The following SYTL5 variants were observed in gnomAD, a reference collection of about 807,000 sequenced individuals.
SYTL5 encodes the protein synaptotagmin-like protein 5.
SYTL5 carries 34 observed loss-of-function variants against 55.9 expected under a neutral mutation model. The observed-to-expected ratio is 0.61, with a 90% CI of 0.46 to 0.81. The LOEUF is 0.81. Among genes scored for constraint, SYTL5 ranks in the 30% least tolerant of loss-of-function variants. SYTL5 has a pLI of 0.00. For missense variants in SYTL5, 637 were observed against 546.7 expected (o/e 1.17, Z -1.65); for synonymous variants, 221 against 188.7 (o/e 1.17, Z -1.40).
At chrX:38,001,816 A>G (rs1172245252), upstream of SYTL5, among the ~76,000 whole-genome samples, 4 of 111,634 alleles carry the variant, frequency 3.6e-5, no homozygotes, top group African/African-American at 1.3e-4. Context: ...TATACCGAGC[A>G]GTGGGATTGT....
At chrX:37,958,554 G>A in the SYTL5 span, among the ~76,000 whole-genome samples, 2 of 111,355 alleles carry the variant, frequency 1.8e-5, no homozygotes, top group Non-Finnish European at 3.8e-5. Context: ...GGACACCATC[G>A]AACCATAGCA....
intron 9 of SYTL5, 39 bp from the exon 10 acceptor site, chrX:38,102,303 A>G: frequency 1.0e-6 from 1 of 974,936 alleles, no homozygotes; most frequent in Non-Finnish European, 1.5e-6. Context: ...CTAGAAAAAC[A>G]AATCAACCAA....
intron 5 of SYTL5, among the ~76,000 whole-genome samples, chrX:38,074,242 A>G (rs1461579975): frequency 8.9e-6 from 1 of 111,949 alleles, no homozygotes. Context: ...TGGGAGGTAC[A>G]TAAGGGAGCA....
At chrX:38,067,541 C>A (rs1041335464) in intron 3 of SYTL5, among the ~76,000 whole-genome samples, 1 of 111,774 alleles carries the variant, frequency 8.9e-6, no homozygotes, top group African/African-American at 3.2e-5. Context: ...CACCAGAGAG[C>A]AAATATTTTA....
intron 1 of SYTL5, among the ~76,000 whole-genome samples, chrX:38,010,755 G>T (rs1934150670): frequency 9.0e-6 from 1 of 111,596 alleles, no homozygotes; most frequent in Non-Finnish European, 1.9e-5. Flanking sequence ...TAGGATTATT[G>T]CCCAAAGTGT....
At chrX:37,905,039 G>T in the SYTL5 span, among the ~76,000 whole-genome samples, 217 of 111,108 alleles carry the variant, frequency 2.0e-3, 1 homozygote, top group African/African-American at 6.9e-3. Context: ...TCATGAGTCA[G>T]AATTCCCATG....
the SYTL5 span, among the ~76,000 whole-genome samples, chrX:38,000,936 C>T: frequency 5.4e-5 from 6 of 111,755 alleles, no homozygotes; most frequent in African/African-American, 2.0e-4. Context: ...CCTGTCGGTG[C>T]GCTCTGCCAG....
At chrX:37,990,878 T>A in the SYTL5 span, 1 of 1,207,918 alleles carries the variant, frequency 8.3e-7, no homozygotes, top group African/African-American at 1.8e-5. Flanking sequence ...CGTCTACAAA[T>A]AACAACCAGA....
chrX:37,890,160 G>T, the SYTL5 span, among the ~76,000 whole-genome samples: 1 of 109,951 alleles, frequency 9.1e-6, no homozygotes, highest in East Asian at 2.9e-4. Flanking sequence ...AATTTTATTG[G>T]GGGTCTGAAG....
chrX:38,021,485 A>G (rs1934550484), intron 1 of SYTL5, among the ~76,000 whole-genome samples: 1 of 112,449 alleles, frequency 8.9e-6, no homozygotes, highest in Non-Finnish European at 1.9e-5. Flanking sequence ...AAAACGAGAT[A>G]TCCCACAGAG....
At chrX:37,960,899 C>T in the SYTL5 span, among the ~76,000 whole-genome samples, 2 of 108,805 alleles carry the variant, frequency 1.8e-5, no homozygotes, top group African/African-American at 3.3e-5. Context: ...GGGTTCACGC[C>T]ATTCTCCTGC....
the SYTL5 span, among the ~76,000 whole-genome samples, chrX:37,929,322 G>A: frequency 9.0e-6 from 1 of 111,431 alleles, no homozygotes; most frequent in African/African-American, 3.3e-5. Flanking sequence ...AGGATGGCAT[G>A]CTGAGTGGCT....
the SYTL5 span, among the ~76,000 whole-genome samples, chrX:37,904,028 G>T: frequency 9.0e-6 from 1 of 111,133 alleles, no homozygotes; most frequent in Non-Finnish European, 1.9e-5. Flanking sequence ...ATAAACCTAG[G>T]ACCTAACACA....
At chrX:38,067,534 C>A (rs1187292109) in intron 3 of SYTL5, among the ~76,000 whole-genome samples, 1 of 111,631 alleles carries the variant, frequency 9.0e-6, no homozygotes, top group Admixed American at 9.6e-5. Flanking sequence ...AATAAAACAC[C>A]AGAGAGCAAA....
At chrX:38,121,952 G>C in intron 14 of SYTL5, 128 bp from the exon 15 acceptor site, 1 of 638,302 alleles carries the variant, frequency 1.6e-6, no homozygotes, top group Non-Finnish European at 2.2e-6. Flanking sequence ...TAATGTAAAG[G>C]CCCAAATTAG....
intron 1 of SYTL5, among the ~76,000 whole-genome samples, chrX:38,008,987 G>A (rs1934085866): frequency 9.0e-6 from 1 of 111,699 alleles, no homozygotes; most frequent in Admixed American, 9.5e-5. Flanking sequence ...AGTGTGATAA[G>A]GGCTATAAGG....
In SYTL5 at chrX:38,076,583, T is replaced by G. The variant is rs768524325; in HGVS notation, c.571T>G (p.Phe191Val). ...TAATTTCAGATTTCTTCTTAGCAAG[T>G]TCAGATCGGCAACCAGAGGAGAAAT... ...PKRKGFLLSKFRSATRGEIIT... is the reference protein window; with the variant it reads ...PKRKGFLLSKVRSATRGEIIT... Residue 191 changes from phenylalanine to valine, a missense_variant, in exon 6 of 17, where the codon TTC (phenylalanine) becomes GTC (valine). Phe to Val is a conservative substitution (Grantham distance 50). Transcript: ENST00000297875. 2.3e-4 allele frequency: 280 copies of G among 1,201,589 alleles called. No homozygotes were observed. Among genetic ancestry groups the G allele is most frequent in the Non-Finnish European group, 1.1e-5 (10 of 888,663 alleles).
chrX:37,927,993 G>C, the SYTL5 span, among the ~76,000 whole-genome samples: 1 of 112,017 alleles, frequency 8.9e-6, no homozygotes, highest in Non-Finnish European at 1.9e-5. Flanking sequence ...AATGGAAATG[G>C]TGAGGTTATA....
At chrX:38,002,938 T>C (rs772724941), upstream of SYTL5, among the ~76,000 whole-genome samples, 44 of 112,030 alleles carry the variant, frequency 3.9e-4, no homozygotes, top group African/African-American at 1.4e-3. Context: ...ATGAAGTCCT[T>C]GCCCATGCCT....
Sources: gnomAD v4.1 joint callset for allele counts (sites outside exome capture counted in the v4.1 genomes callset) on GRCh38, gnomAD v4.1.1 for gene constraint, MANE v1.5 for transcripts, NCBI Gene and HGNC (gene_info 2026-07-23, HGNC 2026-07-21) for gene names.